NELL1: variants seen among roughly 807,000 people sequenced by gnomAD.
NELL1 encodes the protein protein kinase C-binding protein NELL1.
A neutral mutation model predicts 107.4 loss-of-function variants in NELL1; 76 were observed. The observed-to-expected ratio is 0.71, with a 90% CI of 0.59 to 0.86. The LOEUF is 0.86. Ranked by LOEUF, NELL1 falls within the 40% of genes least tolerant of loss-of-function variation. The pLI is 0.00. For missense variants in NELL1, 1,024 were observed against 1,005.5 expected (o/e 1.02, Z -0.25); for synonymous variants, 353 against 341.2 (o/e 1.03, Z -0.38).
At chr11:20,881,825 G>A (rs1375406269) in intron 4 of NELL1, among the ~76,000 whole-genome samples, 1 of 152,054 alleles carries the variant, frequency 6.6e-6, no homozygotes, top group African/African-American at 2.4e-5. Context: ...ACAAGAAATT[G>A]GCCATTCTAA....
intron 14 of NELL1, among the ~76,000 whole-genome samples, chr11:21,301,944 G>A (rs758561424): frequency 6.6e-6 from 1 of 151,966 alleles, no homozygotes; most frequent in Non-Finnish European, 1.5e-5. Context: ...AAGAAATTGA[G>A]GTACTAATAT....
At chr11:21,415,639 C>A (rs1242088088) in intron 15 of NELL1, among the ~76,000 whole-genome samples, 1 of 151,974 alleles carries the variant, frequency 6.6e-6, no homozygotes. Flanking sequence ...TGTGGCGTCT[C>A]TTTAATTGAT....
chr11:20,930,028 G>A (rs1452453570), intron 9 of NELL1, among the ~76,000 whole-genome samples: 1 of 151,634 alleles, frequency 6.6e-6, no homozygotes, highest in Non-Finnish European at 1.5e-5. Context: ...AATGTGAGAT[G>A]TTTTAGTCTA....
chr11:21,245,888 G>A (rs1858478190), intron 14 of NELL1, among the ~76,000 whole-genome samples: 1 of 152,154 alleles, frequency 6.6e-6, no homozygotes, highest in Non-Finnish European at 1.5e-5. Flanking sequence ...AAAATTAAGA[G>A]TCAATAAATA....
In NELL1 at chr11:20,885,551, A is replaced by G. The variant is rs776361192; in HGVS notation, c.603+11A>G. On this transcript the variant is annotated intron_variant, in intron 5 of 19. Transcript: ENST00000357134. ...CATGGCTTATTCAAAGTAAGCACTA[A>G]CGTTCTTTTTATTGAAGTATATATA... 2 of 1,531,848 alleles carry G rather than the reference A, an allele frequency of 1.3e-6. No homozygotes were observed. Among genetic ancestry groups the G allele is most frequent in the African/African-American group, 1.4e-5 (1 of 73,170 alleles). The allele number at this position is 1,531,848 out of a possible 1,614,324, so 94.9% of individuals were successfully genotyped here. A position where few individuals can be genotyped will look rare whatever the true frequency, so the allele number is the denominator to read the frequency against.
chr11:21,485,424 C>T (rs1353375220), intron 15 of NELL1, among the ~76,000 whole-genome samples: 1 of 151,948 alleles, frequency 6.6e-6, no homozygotes, highest in African/African-American at 2.4e-5. Flanking sequence ...TGGCAGGCCT[C>T]CAATCCTGCA....
chr11:21,171,253 C>T (rs1226698662), intron 13 of NELL1, among the ~76,000 whole-genome samples: 2 of 151,570 alleles, frequency 1.3e-5, no homozygotes. Flanking sequence ...TTTTTCTTAT[C>T]TCAAAAAATG....
chr11:21,291,981 G>A (rs1374154427), intron 14 of NELL1, among the ~76,000 whole-genome samples: 1 of 152,142 alleles, frequency 6.6e-6, no homozygotes, highest in Non-Finnish European at 1.5e-5. Context: ...TACCGAATGG[G>A]TAAAAGCCGG....
At chr11:21,516,839 C>T (rs4627074) in intron 15 of NELL1, among the ~76,000 whole-genome samples, 20,140 of 150,710 alleles carry the variant, frequency 0.13, 1,518 homozygotes, top group Admixed American at 0.2. Context: ...GAGTCTCGCT[C>T]TGTTGCCCAG....
At chr11:20,684,079 G>A (rs1854250752) in intron 2 of NELL1, among the ~76,000 whole-genome samples, 1 of 145,316 alleles carries the variant, frequency 6.9e-6, no homozygotes, top group African/African-American at 2.5e-5. Context: ...GCTTAAAGGT[G>A]TTCCATAACT....
intron 16 of NELL1, among the ~76,000 whole-genome samples, chr11:21,558,444 A>G (rs1184738721): frequency 1.3e-5 from 2 of 151,756 alleles, no homozygotes; most frequent in African/African-American, 4.8e-5. Flanking sequence ...TTTTGTGACA[A>G]AAATATTCTC....
At chr11:21,015,544 G>A (rs944255586) in intron 12 of NELL1, among the ~76,000 whole-genome samples, 5 of 152,060 alleles carry the variant, frequency 3.3e-5, no homozygotes, top group Admixed American at 3.3e-4. Flanking sequence ...ATACTGAGGT[G>A]ACTTTATTTT....
Position 21,358,358 on chromosome 11 carries a change from A to G in NELL1, c.1550-12495A>G, listed in dbSNP as rs960590578. ...GTAGTTTTTCTTGTAGAGGTCTTTC[A>G]CCTCCTTGGGGCTAGGTGGTATATT... On this transcript the variant is annotated intron_variant, in intron 14 of 19. Transcript: ENST00000357134. 6.7e-5 allele frequency among the ~76,000 whole-genome samples: 10 copies of G among 150,298 alleles called. No homozygotes were observed. In the South Asian group the frequency reaches 2.1e-3, roughly 32 times the overall value.
intron 14 of NELL1, chr11:21,284,436 T>C: frequency 2.2e-6 from 1 of 457,876 alleles, no homozygotes; most frequent in Non-Finnish European, 4.4e-6. Context: ...AAAAAAGTGA[T>C]GGCTGTGCAC....
intron 12 of NELL1, among the ~76,000 whole-genome samples, chr11:20,970,196 C>T (rs1239522463): frequency 6.6e-6 from 1 of 152,038 alleles, no homozygotes; most frequent in Non-Finnish European, 1.5e-5. Context: ...CTGTGTTGTA[C>T]AACTCCATGG....
chr11:21,055,515 A>G (rs964562511), intron 12 of NELL1, among the ~76,000 whole-genome samples: 1 of 152,148 alleles, frequency 6.6e-6, no homozygotes, highest in Non-Finnish European at 1.5e-5. Flanking sequence ...TAGACCTTAC[A>G]TAATTCTTTA....
At chr11:21,257,311 C>T (rs1858794544) in intron 14 of NELL1, among the ~76,000 whole-genome samples, 2 of 151,924 alleles carry the variant, frequency 1.3e-5, no homozygotes, top group Admixed American at 1.3e-4. Context: ...ATGTTGAGCT[C>T]CTCATCTATT....
chr11:21,289,186 C>G (rs567267558), intron 14 of NELL1, among the ~76,000 whole-genome samples: 1 of 152,318 alleles, frequency 6.6e-6, no homozygotes, highest in African/African-American at 2.4e-5. Flanking sequence ...GAAACATGCT[C>G]TACCACCATG....
At chr11:20,915,405 T>C (rs901554718) in intron 5 of NELL1, among the ~76,000 whole-genome samples, 3 of 151,668 alleles carry the variant, frequency 2.0e-5, no homozygotes, top group African/African-American at 7.3e-5. Flanking sequence ...ATCCTTTGGG[T>C]TGACACAAGA....
Sources: allele counts gnomAD v4.1 joint callset (sites outside exome capture counted in the v4.1 genomes callset), GRCh38; gene constraint gnomAD v4.1.1; transcripts MANE v1.5; gene names NCBI Gene and HGNC (gene_info 2026-07-23, HGNC 2026-07-21).